The following PTPRR variants were observed in gnomAD, a reference collection of about 807,000 sequenced individuals.
PTPRR encodes the protein receptor-type tyrosine-protein phosphatase R.
PTPRR carries 38 observed loss-of-function variants against 77.2 expected under a neutral mutation model. The ratio of observed to expected loss-of-function variants is 0.49; its 90% CI spans 0.38 to 0.65. The LOEUF is 0.65. PTPRR is among the 30% of genes least tolerant of loss of function. The pLI, the probability that PTPRR is intolerant of heterozygous loss-of-function variation, is 0.00. For synonymous variants in PTPRR, 299 were observed against 283.1 expected, an observed-to-expected ratio of 1.06 and a Z score of -0.57; for missense variants, 744 against 799.2, an observed-to-expected ratio of 0.93 and a Z score of 0.83.
At chr12:70,737,488 ATC>A (rs1491457400) in intron 6 of PTPRR, among the ~76,000 whole-genome samples, 27 of 122,648 alleles carry the variant, frequency 2.2e-4, no homozygotes, top group African/African-American at 7.7e-4. Flanking sequence ...TTTAATGAAT[ATC>A]TATCTATCTA....
chr12:70,801,804 GT>G (rs1891620936), intron 2 of PTPRR, among the ~76,000 whole-genome samples: 2 of 151,618 alleles, frequency 1.3e-5, no homozygotes, highest in African/African-American at 2.4e-5. Context: ...TCTCCCATTG[GT>G]TTTGTTTCTT....
intron 3 of PTPRR, 140 bp from the exon 4 acceptor site, chr12:70,761,766 T>C (rs73343192): frequency 1.6e-6 from 1 of 628,080 alleles, no homozygotes; most frequent in Admixed American, 3.8e-5. Flanking sequence ...TATTTATTAG[T>C]TATTCTCTGA....
intron 1 of PTPRR, among the ~76,000 whole-genome samples, chr12:70,904,862 G>T (rs561201157): frequency 6.6e-6 from 1 of 151,928 alleles, no homozygotes; most frequent in Admixed American, 6.6e-5. Flanking sequence ...AGATAAAGTA[G>T]AAACAAAATA....
At chr12:70,804,137 C>CTGTGTGTGTGTGTGTG (rs1318704522) in intron 2 of PTPRR, among the ~76,000 whole-genome samples, 2 of 55,096 alleles carry the variant, frequency 3.6e-5, no homozygotes, top group South Asian at 2.0e-3. Flanking sequence ...CTGTTCCTGG[C>CTGTGTGTGTGTGTGTG]TCTGTGTGTG....
intron 6 of PTPRR, among the ~76,000 whole-genome samples, chr12:70,704,457 A>T (rs1358405429): frequency 1.3e-5 from 2 of 152,018 alleles, no homozygotes; most frequent in African/African-American, 4.8e-5. Context: ...AAATAACGAA[A>T]AAAAAAGCCA....
intron 8 of PTPRR, among the ~76,000 whole-genome samples, chr12:70,686,982 G>C (rs1332734739): frequency 1.3e-5 from 2 of 152,140 alleles, no homozygotes; most frequent in African/African-American, 4.8e-5. Flanking sequence ...CAAAACTCTG[G>C]AGTGATATCA....
At chr12:70,779,520 A>G (rs371765721) in intron 2 of PTPRR, among the ~76,000 whole-genome samples, 1 of 152,100 alleles carries the variant, frequency 6.6e-6, no homozygotes, top group African/African-American at 2.4e-5. Flanking sequence ...TCTCTATCAG[A>G]TCACCCTGCT....
At chr12:70,776,949 C>T (rs536310175) in intron 2 of PTPRR, among the ~76,000 whole-genome samples, 1 of 152,200 alleles carries the variant, frequency 6.6e-6, no homozygotes, top group East Asian at 1.9e-4. Context: ...TATGCTTCCC[C>T]TTCCTAGCCC....
intron 6 of PTPRR, among the ~76,000 whole-genome samples, chr12:70,736,983 C>T (rs939282075): frequency 1.2e-4 from 19 of 152,166 alleles, no homozygotes; most frequent in African/African-American, 4.6e-4. Flanking sequence ...CAGCTGGTGC[C>T]CCATCCTCTC....
Position 70,764,693 on chromosome 12 carries a change from G to A in PTPRR, c.443C>T (p.Pro148Leu). 5 of 1,613,850 alleles carry A rather than the reference G, an allele frequency of 3.1e-6. No homozygotes were observed. The highest frequency in any genetic ancestry group is 4.2e-6 in the Non-Finnish European group (5 of 1,179,784). ...GAGGCGATTGATGTGCACTTGCTGG[G>A]GTAAGAGTCCTAAAGCTGCAGCCAC... ...QGVAAALGLL[P>L]QQVHINRLIG... is the part of the protein sequence containing the mutation. The change falls in exon 3 of 14, where the codon CCC becomes CTC. Residue 148 changes from proline (P) to leucine (L), a missense_variant. Coordinates refer to ENST00000283228, the MANE Select transcript of PTPRR (RefSeq NM_002849.4).
Position 70,672,500 on chromosome 12 carries a change from A to T in PTPRR, c.1498-9895T>A, listed in dbSNP as rs1202756727. The T allele has an allele frequency of 5.0e-6, 6 of 1,200,364 alleles. No individual in the cohort carries two copies. In the Admixed American group the frequency reaches 1.0e-4, roughly 21 times the overall value. The allele number at this position is 1,200,364 out of a possible 1,614,324, so 74.4% of individuals were successfully genotyped here. A position where few individuals can be genotyped will look rare whatever the true frequency, so the allele number is the denominator to read the frequency against. On this transcript the variant is annotated intron_variant, in intron 10 of 13. Transcript: ENST00000283228. ...GCGGCTCATAACGTGAGTGCTCATG[A>T]CTGGCAAATGAGACATGATGGGAAA...
chr12:70,712,678 C>T (rs146485781), intron 6 of PTPRR, among the ~76,000 whole-genome samples: 1 of 151,772 alleles, frequency 6.6e-6, no homozygotes, highest in Non-Finnish European at 1.5e-5. Context: ...AAATTTGTCA[C>T]GTAAAGGACG....
At chr12:70,717,523 A>G (rs1889076922) in intron 6 of PTPRR, among the ~76,000 whole-genome samples, 1 of 152,194 alleles carries the variant, frequency 6.6e-6, no homozygotes, top group Non-Finnish European at 1.5e-5. Flanking sequence ...TTGAGCAAAC[A>G]CAAGCACAAG....
chr12:70,791,112 C>T (rs1891415256), intron 2 of PTPRR, among the ~76,000 whole-genome samples: 1 of 152,130 alleles, frequency 6.6e-6, no homozygotes, highest in Middle Eastern at 3.2e-3. Context: ...TTTTTGAAAC[C>T]ATAAATTAGA....
intron 2 of PTPRR, among the ~76,000 whole-genome samples, chr12:70,824,185 T>C (rs975032286): frequency 1.1e-4 from 16 of 152,194 alleles, no homozygotes; most frequent in African/African-American, 3.9e-4. Flanking sequence ...CAGCTCAGCA[T>C]GCTGTGTTGT....
At chr12:70,663,763 T>C (rs149735754) in intron 10 of PTPRR, among the ~76,000 whole-genome samples, 28 of 152,234 alleles carry the variant, frequency 1.8e-4, no homozygotes, top group African/African-American at 6.5e-4. Context: ...AATGTTTAAA[T>C]AGCACTTATT....
chr12:70,810,200 G>A (rs555419419), intron 2 of PTPRR, among the ~76,000 whole-genome samples: 2 of 152,138 alleles, frequency 1.3e-5, no homozygotes, highest in East Asian at 1.9e-4. Context: ...AGTTATTTTC[G>A]GTAGCTCTGT....
At chr12:70,840,159 T>G (rs1892371905) in intron 2 of PTPRR, among the ~76,000 whole-genome samples, 1 of 152,148 alleles carries the variant, frequency 6.6e-6, no homozygotes, top group African/African-American at 2.4e-5. Flanking sequence ...AAAGTATCAC[T>G]GGGGCCATAT....
chr12:70,662,771 A>G (rs1002950540), intron 10 of PTPRR, among the ~76,000 whole-genome samples, 166 bp from the exon 11 acceptor site: 3 of 152,296 alleles, frequency 2.0e-5, no homozygotes, highest in East Asian at 1.9e-4. Flanking sequence ...GTAAATCTTA[A>G]GCAGCTAGAT....
Sources: allele counts gnomAD v4.1 joint callset (sites outside exome capture counted in the v4.1 genomes callset), GRCh38; gene constraint gnomAD v4.1.1; transcripts MANE v1.5; gene names NCBI Gene and HGNC (gene_info 2026-07-23, HGNC 2026-07-21).